The following LHCGR variants were observed in gnomAD, a reference collection of about 807,000 sequenced individuals.
LHCGR encodes luteinizing hormone/choriogonadotropin receptor, also known as lutropin-choriogonadotropic hormone receptor.
In LHCGR, 55 loss-of-function variants were observed where a neutral mutation model predicts 60.7. The observed-to-expected ratio is 0.91, with a 90% CI of 0.73 to 1.13. LHCGR has a LOEUF of 1.13. Ranked by LOEUF, LHCGR falls within the 50% of genes most tolerant of loss-of-function variation. LHCGR has a pLI of 0.00. For synonymous variants in LHCGR, 337 were observed against 316.5 expected (o/e 1.06, Z -0.69); for missense variants, 862 against 836.0 (o/e 1.03, Z -0.38).
At chr2:48,710,455 C>T (rs923307583) in intron 7 of LHCGR, among the ~76,000 whole-genome samples, 7 of 152,168 alleles carry the variant, frequency 4.6e-5, no homozygotes, top group East Asian at 3.8e-4. Flanking sequence ...GCATTTCACA[C>T]GTTTTATTAA....
intron 1 of LHCGR, among the ~76,000 whole-genome samples, chr2:48,738,300 G>A (rs1356104353): frequency 6.6e-6 from 1 of 151,582 alleles, no homozygotes; most frequent in Non-Finnish European, 1.5e-5. Context: ...TTCTCCCATC[G>A]AACACCCAGT....
rs151082274 is a variant in LHCGR, at chr2:48,752,752, C to A, written c.161+2759G>T. ...TATTCTTTCTAAGGTTAATCTTTCCCCCATGTTGTTAGACTGATGCTCTCC... is the reference window on the plus strand; with the variant it reads ...TATTCTTTCTAAGGTTAATCTTTCCACCATGTTGTTAGACTGATGCTCTCC... On this transcript the variant is annotated intron_variant, in intron 1 of 10. Transcript: ENST00000294954. 1.6e-4 allele frequency among the ~76,000 whole-genome samples: 24 copies of A among 152,006 alleles called. No homozygotes were observed. In the South Asian group the frequency reaches 4.2e-3, roughly 26 times the overall value.
chr2:48,738,014 C>G, intron 1 of LHCGR, among the ~76,000 whole-genome samples: 1 of 152,222 alleles, frequency 6.6e-6, no homozygotes, highest in East Asian at 1.9e-4. Flanking sequence ...CACATCAGTA[C>G]TGTTCATTTG....
chr2:48,754,657 T>C (rs1670125289), intron 1 of LHCGR, among the ~76,000 whole-genome samples: 1 of 152,086 alleles, frequency 6.6e-6, no homozygotes, highest in Non-Finnish European at 1.5e-5. Flanking sequence ...CCCATCCGCT[T>C]CCCCAGCCCT....
rs534840982 is a variant in LHCGR at position 48,732,766 on chromosome 2, G to A, written c.162-1468C>T. The A allele has an allele frequency of 5.3e-4, 254 of 479,028 alleles. 3 individuals carry two copies. The highest frequency in any genetic ancestry group is 3.6e-3 in the South Asian group (222 of 62,090). The allele number at this position is 479,028 out of a possible 1,614,324, so 29.7% of individuals were successfully genotyped here. A position where few individuals can be genotyped will look rare whatever the true frequency, so the allele number is the denominator to read the frequency against. Reference sequence around the variant, plus strand: ...TCTTCTGCAAAGCGGTTTACCAGCCGTTCCTCCCTAGGTGCTAATAGGGAG... The same window carrying A: ...TCTTCTGCAAAGCGGTTTACCAGCCATTCCTCCCTAGGTGCTAATAGGGAG... On this transcript the variant is annotated intron_variant, in intron 1 of 10. Transcript: ENST00000294954.
At chr2:48,731,790 T>C (rs747101413) in intron 1 of LHCGR, among the ~76,000 whole-genome samples, 1 of 151,954 alleles carries the variant, frequency 6.6e-6, no homozygotes, top group Non-Finnish European at 1.5e-5. Context: ...TTGAGTAGAG[T>C]GGAGACATTA....
chr2:48,724,617 G>A (rs1490863983), intron 4 of LHCGR, among the ~76,000 whole-genome samples: 1 of 152,182 alleles, frequency 6.6e-6, no homozygotes, highest in Admixed American at 6.5e-5. Flanking sequence ...AGTTTTGGAT[G>A]AAAATACTAT....
rs528435340 is a variant in LHCGR at position 48,738,906 on chromosome 2, G to C, written c.162-7608C>G. ...TTTTAAATGTGGGCACTAGAAAATT[G>C]AAAATTACTCGTGTGACTCACATTA... On this transcript the variant is annotated intron_variant, in intron 1 of 10. Coordinates refer to ENST00000294954, the MANE Select transcript of LHCGR (RefSeq NM_000233.4). Among the ~76,000 whole-genome samples the C allele has an allele frequency of 2.0e-5, 3 of 152,292 alleles. No homozygotes were observed. The South Asian group carries it at 6.2e-4, about 32-fold the overall frequency.
At chr2:48,708,732 C>A in intron 8 of LHCGR, 1 of 606,962 alleles carries the variant, frequency 1.6e-6, no homozygotes, top group Non-Finnish European at 3.0e-6. Context: ...CATCTAGCTT[C>A]CAGAACCATA....
intron 7 of LHCGR, among the ~76,000 whole-genome samples, chr2:48,712,972 A>T (rs1398309700): frequency 6.6e-6 from 1 of 152,212 alleles, no homozygotes; most frequent in Non-Finnish European, 1.5e-5. Flanking sequence ...ATAATTAAAA[A>T]TAAATAGCAT....
chr2:48,708,983 A>G lies in LHCGR; in HGVS notation c.645T>C (p.Asn215=). The change falls in exon 8 of 11, where the codon AAT becomes AAC. Residue 215 remains asparagine, a synonymous_variant. Transcript: ENST00000294954. ...KENVHLEKMH[N]GAFRGATGPK... ...GCCCTGTGGCCCCACGGAAGGCTCC[A>G]TTGTGCATCTTCTCCAGATGTACGT... 2 of 1,614,192 alleles carry G rather than the reference A, an allele frequency of 1.2e-6. No homozygotes were observed. The highest frequency in any genetic ancestry group is 1.7e-6 in the Non-Finnish European group (2 of 1,180,024).
At chr2:48,729,274 T>C (rs781668728) in intron 2 of LHCGR, 47 bp from the exon 3 acceptor site, 1 of 1,369,936 alleles carries the variant, frequency 7.3e-7, no homozygotes, top group South Asian at 1.2e-5. Context: ...ATGAAAGAAA[T>C]GACCGTGTCT....
rs375080723 is a variant in LHCGR at position 48,698,765 on chromosome 2, C to T, written c.716G>A (p.Ser239Asn). 5.0e-6 allele frequency: 8 copies of T among 1,613,968 alleles called. No homozygotes were observed. The African/African-American group carries it at 9.3e-5, about 19-fold the overall frequency. The change falls in exon 9 of 11, where the codon AGC becomes AAC. Residue 239 changes from serine (S) to asparagine (N), a missense_variant. By Grantham distance (46) the Ser-to-Asn change is conservative. Coordinates refer to ENST00000294954, the MANE Select transcript of LHCGR (RefSeq NM_000233.4). ...CCTCTGAATGGACTCTAGGCCATAG[C>T]TCGGCAGGGCCTGCAATTTGGTGGA... ...ISSTKLQALP[S>N]YGLESIQRLI...
chr2:48,710,063 A>G (rs1464894861), intron 7 of LHCGR, among the ~76,000 whole-genome samples: 1 of 152,158 alleles, frequency 6.6e-6, no homozygotes, highest in African/African-American at 2.4e-5. Context: ...CAAACATACT[A>G]ACACCCATTC....
intron 1 of LHCGR, among the ~76,000 whole-genome samples, chr2:48,734,750 C>T (rs533396122): frequency 6.6e-6 from 1 of 152,308 alleles, no homozygotes; most frequent in East Asian, 1.9e-4. Flanking sequence ...TTCAGCAGCT[C>T]TGCTGTCCAG....
rs550853479 is a variant in LHCGR, at chr2:48,712,259, T to C, written c.605+1727A>G. Among the ~76,000 whole-genome samples, 69 of 152,234 alleles carry C rather than the reference T, an allele frequency of 4.5e-4. No individual in the cohort carries two copies. The South Asian group carries it at 0.013, about 30-fold the overall frequency. The stretch of plus-strand genomic sequence containing the variant: ...AGTAGTCAATGTGCAGTTTATACAC[T>C]ATTTGGAGATGCTTCTTCCTATGCT... On this transcript the variant is annotated intron_variant, in intron 7 of 10. Coordinates refer to ENST00000294954, the MANE Select transcript of LHCGR (RefSeq NM_000233.4).
intron 10 of LHCGR, among the ~76,000 whole-genome samples, chr2:48,690,179 C>A (rs2104364083): frequency 6.6e-6 from 1 of 152,334 alleles, no homozygotes; most frequent in Non-Finnish European, 1.5e-5. Context: ...CAGGCTCTTA[C>A]TGGCTATGAG....
intron 8 of LHCGR, among the ~76,000 whole-genome samples, chr2:48,704,616 G>T (rs1667573558): frequency 6.6e-6 from 1 of 152,086 alleles, no homozygotes; most frequent in Non-Finnish European, 1.5e-5. Flanking sequence ...GTTTAGTCTT[G>T]GGAGGGTGTA....
chr2:48,687,671 C>A lies in LHCGR; in HGVS notation c.*26G>T, dbSNP rs375025837. The A allele has an allele frequency of 4.6e-5, 73 of 1,578,842 alleles. No individual in the cohort carries two copies. The highest frequency in any genetic ancestry group is 1.7e-4 in the Middle Eastern group (1 of 5,992). On this transcript the variant is annotated 3_prime_UTR_variant, in exon 11 of 11. Transcript: ENST00000294954. ...TTTTTTTACAGGTTTAAGAACAATT[C>A]AATAATGCAGTTACTGATGTAACAG...
Sources: gnomAD v4.1 joint callset for allele counts (sites outside exome capture counted in the v4.1 genomes callset) on GRCh38, gnomAD v4.1.1 for gene constraint, MANE v1.5 for transcripts, NCBI Gene and HGNC (gene_info 2026-07-23, HGNC 2026-07-21) for gene names.